The following MARCHF1 variants were observed in gnomAD, a reference collection of about 807,000 sequenced individuals.
The protein encoded by MARCHF1 is E3 ubiquitin-protein ligase MARCHF1.
In MARCHF1, 40 loss-of-function variants were observed where a neutral mutation model predicts 54.2. The ratio of observed to expected loss-of-function variants is 0.74; its 90% CI spans 0.57 to 0.96. The LOEUF is 0.96. MARCHF1 is among the 40% of genes least tolerant of loss of function. The pLI is 0.00. For missense variants in MARCHF1, 586 were observed against 656.5 expected (o/e 0.89, Z 1.17); for synonymous variants, 236 against 236.3 (o/e 1.00, Z 0.01).
chr4:164,062,592 T>C (rs1345693652), intron 2 of MARCHF1, among the ~76,000 whole-genome samples: 1 of 152,156 alleles, frequency 6.6e-6, no homozygotes, highest in Non-Finnish European at 1.5e-5. Flanking sequence ...TGGCGCGATC[T>C]CGGCTCACTG....
chr4:163,726,394 T>C (rs114230564), intron 4 of MARCHF1, among the ~76,000 whole-genome samples: 3,943 of 152,296 alleles, frequency 0.026, 80 homozygotes, highest in Non-Finnish European at 0.044. Flanking sequence ...ATTGACTTCT[T>C]TCACTTAGTA....
chr4:164,076,729 C>T (rs869291785), intron 2 of MARCHF1, among the ~76,000 whole-genome samples: 2 of 152,054 alleles, frequency 1.3e-5, no homozygotes, highest in Non-Finnish European at 1.5e-5. Context: ...ACAAGCATTC[C>T]TATACACCAA....
At chr4:164,019,660 T>G (rs963828937) in intron 2 of MARCHF1, among the ~76,000 whole-genome samples, 4 of 152,304 alleles carry the variant, frequency 2.6e-5, no homozygotes, top group Admixed American at 6.5e-5. Context: ...TTGCAAAGGT[T>G]ACAGAATGAG....
intron 8 of MARCHF1, among the ~76,000 whole-genome samples, chr4:163,570,079 A>G (rs1238301116): frequency 2.6e-5 from 4 of 152,152 alleles, no homozygotes; most frequent in Non-Finnish European, 4.4e-5. Context: ...GATAATCTAG[A>G]TTGTAAACTT....
In MARCHF1 at chr4:163,835,413, T is replaced by C. The variant is rs558114049; in HGVS notation, c.111+18608A>G. Among the ~76,000 whole-genome samples, 38 of 152,344 alleles carry C rather than the reference T, an allele frequency of 2.5e-4. 2 individuals carry two copies. In the South Asian group the frequency reaches 7.5e-3, roughly 30 times the overall value. ...TTTTAAGTTTGGCCTGAAGGTTTTC[T>C]GTACAACGTGAACTATAGCAAGTGG... On this transcript the variant is annotated intron_variant, in intron 4 of 9. Coordinates refer to ENST00000514618, the MANE Select transcript of MARCHF1 (RefSeq NM_001394959.1).
chr4:164,195,646 T>A (rs904193772), intron 1 of MARCHF1, among the ~76,000 whole-genome samples: 8 of 152,160 alleles, frequency 5.3e-5, no homozygotes, highest in Admixed American at 3.3e-4. Context: ...ACTTTCATGA[T>A]CTATAAAATA....
At chr4:163,738,756 A>G (rs1561050651) in intron 4 of MARCHF1, among the ~76,000 whole-genome samples, 1 of 151,626 alleles carries the variant, frequency 6.6e-6, no homozygotes, top group Non-Finnish European at 1.5e-5. Flanking sequence ...CACTGTCATA[A>G]AGACAAAAGC....
Position 163,527,485 on chromosome 4 carries a change from A to T in MARCHF1, c.*1263T>A, listed in dbSNP as rs752298632. The stretch of plus-strand genomic sequence containing the variant: ...CCTATTGTAAGTACTTCATAGTAAC[A>T]ATTTATTTATTTCACAACTCTGCTA... On this transcript the variant is annotated 3_prime_UTR_variant, in exon 10 of 10. Coordinates refer to ENST00000514618, the MANE Select transcript of MARCHF1 (RefSeq NM_001394959.1). 1 of 149,334 alleles carries T rather than the reference A, an allele frequency of 6.7e-6. No individual in the cohort carries two copies. Among genetic ancestry groups the T allele is most frequent in the Non-Finnish European group, 1.5e-5 (1 of 67,122 alleles). The allele number at this position is 149,334 out of a possible 1,614,324, so 9.3% of individuals were successfully genotyped here.
intron 1 of MARCHF1, among the ~76,000 whole-genome samples, chr4:164,122,042 C>T (rs747733484): frequency 6.6e-6 from 1 of 152,042 alleles, no homozygotes; most frequent in Non-Finnish European, 1.5e-5. Flanking sequence ...GTTCAACATA[C>T]ACAAATCAAT....
intron 1 of MARCHF1, among the ~76,000 whole-genome samples, chr4:164,215,599 T>C (rs985939736): frequency 6.6e-6 from 1 of 152,148 alleles, no homozygotes; most frequent in Non-Finnish European, 1.5e-5. Flanking sequence ...AAAGGGACCA[T>C]GCCCTTCCCT....
intron 1 of MARCHF1, among the ~76,000 whole-genome samples, chr4:164,289,794 T>G (rs1734243709): frequency 6.6e-6 from 1 of 152,078 alleles, no homozygotes; most frequent in East Asian, 1.9e-4. Flanking sequence ...GTTTCTTCAG[T>G]GACTTATCAA....
intron 3 of MARCHF1, among the ~76,000 whole-genome samples, chr4:163,924,832 T>A (rs1009497462): frequency 6.6e-6 from 1 of 151,820 alleles, no homozygotes; most frequent in Non-Finnish European, 1.5e-5. Context: ...TTATAATTAA[T>A]AATTATAATA....
intron 3 of MARCHF1, among the ~76,000 whole-genome samples, chr4:163,893,757 A>AT (rs1750715861): frequency 6.6e-6 from 1 of 152,166 alleles, no homozygotes; most frequent in African/African-American, 2.4e-5. Flanking sequence ...AATAATAATG[A>AT]TTTTTTAAAG....
intron 1 of MARCHF1, among the ~76,000 whole-genome samples, chr4:164,195,371 A>C (rs535033261): frequency 5.1e-4 from 77 of 152,326 alleles, no homozygotes; most frequent in African/African-American, 1.7e-3. Context: ...TTTACTTTTT[A>C]CGTTAATGGG....
intron 5 of MARCHF1, among the ~76,000 whole-genome samples, chr4:163,683,273 T>C (rs1294076966): frequency 6.6e-6 from 1 of 152,170 alleles, no homozygotes; most frequent in Non-Finnish European, 1.5e-5. Flanking sequence ...TCTCACATGG[T>C]GGTCGACAAG....
chr4:164,121,430 G>T (rs913001331), intron 1 of MARCHF1, among the ~76,000 whole-genome samples: 2 of 152,094 alleles, frequency 1.3e-5, no homozygotes, highest in African/African-American at 4.8e-5. Flanking sequence ...GGAAGGGGAA[G>T]AAAACACGTC....
At chr4:164,135,761 G>A (rs983883348) in intron 1 of MARCHF1, among the ~76,000 whole-genome samples, 6 of 152,234 alleles carry the variant, frequency 3.9e-5, no homozygotes, top group African/African-American at 1.4e-4. Context: ...ATTTGATACT[G>A]ATGGAGATAA....
chr4:164,368,635 G>A (rs747049294), intron 1 of MARCHF1, among the ~76,000 whole-genome samples: 1 of 152,104 alleles, frequency 6.6e-6, no homozygotes, highest in Admixed American at 6.5e-5. Flanking sequence ...AGCAATATGT[G>A]CACATAATGA....
At chr4:164,211,790 G>A (rs570760258) in intron 1 of MARCHF1, among the ~76,000 whole-genome samples, 1 of 152,124 alleles carries the variant, frequency 6.6e-6, no homozygotes, top group Non-Finnish European at 1.5e-5. Context: ...AGCAAGCAGA[G>A]ATGACACGTT....
Sources: allele counts gnomAD v4.1 joint callset (sites outside exome capture counted in the v4.1 genomes callset), GRCh38; gene constraint gnomAD v4.1.1; transcripts MANE v1.5; gene names NCBI Gene and HGNC (gene_info 2026-07-23, HGNC 2026-07-21).